The following ATP6V1E1 variants were observed in gnomAD, a reference collection of about 807,000 sequenced individuals.
ATP6V1E1 encodes the protein V-type proton ATPase subunit E 1.
Under a neutral mutation model 35.2 loss-of-function variants are expected in ATP6V1E1, and 21 were observed. The observed-to-expected ratio is 0.60, with a 90% confidence interval of 0.42 to 0.86. ATP6V1E1 has a LOEUF of 0.86. ATP6V1E1 is among the 40% of genes least tolerant of loss of function. The pLI is 0.00. For synonymous variants in ATP6V1E1, 83 were observed against 87.8 expected, an observed-to-expected ratio of 0.95 and a Z score of 0.30; for missense variants, 183 against 272.6, an observed-to-expected ratio of 0.67 and a Z score of 2.32.
intron 1 of ATP6V1E1, among the ~76,000 whole-genome samples, chr22:17,624,198 C>T (rs959545789): frequency 3.3e-5 from 5 of 152,144 alleles, no homozygotes; most frequent in African/African-American, 7.2e-5. Context: ...CTGTCCTCAT[C>T]GAGCTTTCAT....
chr22:17,627,635 A>T (rs1487668885), intron 1 of ATP6V1E1, among the ~76,000 whole-genome samples: 1 of 150,776 alleles, frequency 6.6e-6, no homozygotes, highest in Non-Finnish European at 1.5e-5. Context: ...CCAGGCCAAT[A>T]TGGTGAGACC....
At chr22:17,609,452 G>C (rs2057803571) in intron 4 of ATP6V1E1, among the ~76,000 whole-genome samples, 1 of 138,930 alleles carries the variant, frequency 7.2e-6, no homozygotes, top group Non-Finnish European at 1.5e-5. Flanking sequence ...GAGCCACCAT[G>C]CCCATCCTGC....
At chr22:17,619,878 G>C (rs192251692) in intron 1 of ATP6V1E1, among the ~76,000 whole-genome samples, 1 of 152,204 alleles carries the variant, frequency 6.6e-6, no homozygotes, top group African/African-American at 2.4e-5. Context: ...AGATAAATAG[G>C]ACCTTCATCC....
chr22:17,622,469 G>A (rs533477546), intron 1 of ATP6V1E1, among the ~76,000 whole-genome samples: 4 of 152,082 alleles, frequency 2.6e-5, no homozygotes, highest in Admixed American at 1.3e-4. Flanking sequence ...GTATACATAG[G>A]TGTACCAAAA....
At chr22:17,622,303 G>C (rs1245987920) in intron 1 of ATP6V1E1, among the ~76,000 whole-genome samples, 3 of 152,192 alleles carry the variant, frequency 2.0e-5, no homozygotes, top group Non-Finnish European at 4.4e-5. Context: ...CACCATAGGA[G>C]ATGCTCAAAA....
intron 3 of ATP6V1E1, 127 bp from the exon 4 acceptor site, chr22:17,613,005 C>A: frequency 1.0e-6 from 1 of 952,972 alleles, no homozygotes; most frequent in Non-Finnish European, 1.6e-6. Flanking sequence ...CAAGCGTGAG[C>A]CACCTTGCCC....
At chr22:17,607,251 T>A (rs1442769620) in intron 4 of ATP6V1E1, among the ~76,000 whole-genome samples, 5 of 151,938 alleles carry the variant, frequency 3.3e-5, no homozygotes, top group African/African-American at 4.8e-5. Flanking sequence ...TCTGACTCCC[T>A]GGTTCAAGCA....
In ATP6V1E1 at chr22:17,613,208, T is replaced by C. The variant is rs2146308749; in HGVS notation, c.209+3A>G. ...CTTAATACTGCAACCAGGATCTACT[T>C]ACATTTTCTTCTGCTGCTCAATCTG... is the stretch of plus-strand genomic sequence containing the variant. On this transcript the variant is annotated splice_donor_region_variant and intron_variant, in intron 3 of 8. Transcript: ENST00000253413. 6.2e-7 allele frequency: 1 copy of C among 1,609,156 alleles called. No individual in the cohort carries two copies. The highest frequency in any genetic ancestry group is 8.5e-7 in the Non-Finnish European group (1 of 1,177,568).
At chr22:17,619,941 T>A (rs1320313091) in intron 1 of ATP6V1E1, among the ~76,000 whole-genome samples, 2 of 152,254 alleles carry the variant, frequency 1.3e-5, no homozygotes, top group South Asian at 4.1e-4. Context: ...CTTTCTCTTC[T>A]CCACCTGTAA....
chr22:17,612,844 T>G lies in ATP6V1E1; in HGVS notation c.244A>C (p.Lys82Gln), dbSNP rs772128531. The stretch of plus-strand genomic sequence containing the variant: ...AGGTCATCTCTTGCTCTGAGGACTT[T>G]GAGTCTCGCTTGATTCATCAAATTG... ...MSNLMNQARL[K>Q]VLRARDDLIT... The change falls in exon 4 of 9, where the codon AAA becomes CAA. Residue 82 changes from lysine (K) to glutamine (Q), a missense_variant. Transcript: ENST00000253413. 4 of 1,609,624 alleles carry G rather than the reference T, an allele frequency of 2.5e-6. No homozygotes were observed. The South Asian group carries it at 4.5e-5, about 18-fold the overall frequency.
intron 1 of ATP6V1E1, among the ~76,000 whole-genome samples, chr22:17,622,099 T>G (rs2057880426): frequency 6.6e-6 from 1 of 152,126 alleles, no homozygotes; most frequent in Non-Finnish European, 1.5e-5. Flanking sequence ...TCACTGGTTG[T>G]GGGATGCAAT....
At chr22:17,596,447 T>C (rs183560230) in intron 7 of ATP6V1E1, among the ~76,000 whole-genome samples, 1 of 152,110 alleles carries the variant, frequency 6.6e-6, no homozygotes, top group African/African-American at 2.4e-5. Flanking sequence ...TGGCCTCCTC[T>C]CTCGCCATGT....
intron 4 of ATP6V1E1, among the ~76,000 whole-genome samples, chr22:17,608,902 C>A (rs528139733): frequency 6.6e-6 from 1 of 152,056 alleles, no homozygotes; most frequent in Admixed American, 6.5e-5. Flanking sequence ...CTGGCTAACA[C>A]GGTGAAACCC....
chr22:17,592,429 A>C lies in ATP6V1E1; in HGVS notation c.*245T>G. 4.0e-6 allele frequency: 2 copies of C among 504,564 alleles called. No homozygotes were observed. The highest frequency in any genetic ancestry group is 7.1e-6 in the Non-Finnish European group (2 of 279,994). 31.3% of individuals were successfully genotyped at this position (504,564 alleles called of 1,614,324 possible). A position where few individuals can be genotyped will look rare whatever the true frequency, so the allele number is the denominator to read the frequency against. On this transcript the variant is annotated 3_prime_UTR_variant, in exon 9 of 9. Transcript: ENST00000253413. The stretch of plus-strand genomic sequence containing the variant: ...CATCTGCCCCCTCCCCTAGTGCTGC[A>C]GAACCGGCTGGACACTGTCACACTT...
intron 8 of ATP6V1E1, 65 bp from the exon 9 acceptor site, chr22:17,592,801 T>C: frequency 6.9e-6 from 1 of 145,078 alleles, no homozygotes; most frequent in African/African-American, 1.3e-4. Context: ...GCTGCACATC[T>C]TTTTTTTTTT....
chr22:17,619,627 C>A, intron 1 of ATP6V1E1, 101 bp from the exon 2 acceptor site: 1 of 990,222 alleles, frequency 1.0e-6, no homozygotes, highest in Non-Finnish European at 1.5e-6. Flanking sequence ...GGCTCACGCC[C>A]GTAATCCTAC....
Position 17,592,746 on chromosome 22 carries a change from G to C in ATP6V1E1, c.619-10C>G. 1 of 1,598,824 alleles carries C rather than the reference G, an allele frequency of 6.3e-7. No individual in the cohort carries two copies. The highest frequency in any genetic ancestry group is 1.7e-4 in the Middle Eastern group (1 of 5,984). On this transcript the variant is annotated splice_polypyrimidine_tract_variant and intron_variant, in intron 8 of 8. Coordinates refer to ENST00000253413, the MANE Select transcript of ATP6V1E1 (RefSeq NM_001696.4). ...GGACTTCTGGCATCATCTGTGGAGAGAAAGTGTAATAAATACGCAATGTCA... is the reference window on the plus strand; with the variant it reads ...GGACTTCTGGCATCATCTGTGGAGACAAAGTGTAATAAATACGCAATGTCA...
At chr22:17,593,613 C>T (rs1267315471) in intron 8 of ATP6V1E1, among the ~76,000 whole-genome samples, 1 of 152,162 alleles carries the variant, frequency 6.6e-6, no homozygotes, top group African/African-American at 2.4e-5. Context: ...GGCTATGATA[C>T]TGGATGGGAC....
chr22:17,592,403 C>T lies in ATP6V1E1; in HGVS notation c.*271G>A. Reference sequence around the variant, plus strand: ...GAGACCCAGGAAGCCCATGCAACCACCATCTGCCCCCTCCCCTAGTGCTGC... The same window carrying T: ...GAGACCCAGGAAGCCCATGCAACCATCATCTGCCCCCTCCCCTAGTGCTGC... On this transcript the variant is annotated 3_prime_UTR_variant, in exon 9 of 9. Coordinates refer to ENST00000253413, the MANE Select transcript of ATP6V1E1 (RefSeq NM_001696.4). The T allele has an allele frequency of 2.2e-6, 1 of 457,266 alleles. No individual in the cohort carries two copies. The highest frequency in any genetic ancestry group is 4.0e-6 in the Non-Finnish European group (1 of 250,888). 28.3% of individuals were successfully genotyped at this position (457,266 alleles called of 1,614,324 possible).
Sources: gnomAD v4.1 joint callset for allele counts (sites outside exome capture counted in the v4.1 genomes callset) on GRCh38, gnomAD v4.1.1 for gene constraint, MANE v1.5 for transcripts, NCBI Gene and HGNC (gene_info 2026-07-23, HGNC 2026-07-21) for gene names.